The following PHLDB2 variants were observed in gnomAD, a reference collection of about 807,000 sequenced individuals.
PHLDB2 encodes the protein pleckstrin homology like domain family B member 2, also known as pleckstrin homology-like domain family B member 2.
In PHLDB2, 71 loss-of-function variants were observed where a neutral mutation model predicts 123.6. The observed-to-expected ratio is 0.57, with a 90% CI of 0.47 to 0.70. The LOEUF is 0.70. Ranked by LOEUF, PHLDB2 falls within the 30% of genes least tolerant of loss-of-function variation. PHLDB2 has a pLI of 0.00. For missense variants in PHLDB2, 1,446 were observed against 1,519.5 expected (o/e 0.95, Z 0.80); for synonymous variants, 547 against 541.6 (o/e 1.01, Z -0.14).
intron 1 of PHLDB2, among the ~76,000 whole-genome samples, chr3:111,872,720 ACT>A (rs1486502947): frequency 6.6e-6 from 1 of 152,132 alleles, no homozygotes. Context: ...TGAAAAGGGC[ACT>A]CTGGAAATAG....
intron 1 of PHLDB2, among the ~76,000 whole-genome samples, chr3:111,808,618 AGT>A (rs1357577267): frequency 6.6e-6 from 1 of 152,038 alleles, no homozygotes; most frequent in Non-Finnish European, 1.5e-5. Context: ...GTGCAGAAAG[AGT>A]AAACATGTAT....
chr3:111,829,247 A>T (rs73855641), intron 1 of PHLDB2, among the ~76,000 whole-genome samples: 175 of 152,200 alleles, frequency 1.1e-3, no homozygotes, highest in African/African-American at 4.2e-3. Context: ...TAAAGAGAAG[A>T]ACTGGGTGAA....
In PHLDB2 at chr3:111,976,055, CTT is replaced by C. The variant is rs1158459116; in HGVS notation, c.*1495_*1496del. The C allele has an allele frequency of 6.6e-6, 1 of 152,634 alleles. No homozygotes were observed. Among genetic ancestry groups the C allele is most frequent in the African/African-American group, 2.4e-5 (1 of 41,448 alleles). The allele number at this position is 152,634 out of a possible 1,614,324, so 9.5% of individuals were successfully genotyped here. A position where few individuals can be genotyped will look rare whatever the true frequency, so the allele number is the denominator to read the frequency against. Reference sequence around the variant, plus strand: ...TTAAAATCTGATTTTGCAGCGATCACTTTTAAACCCTGTAGTGATGTAAGACT... The same window carrying C: ...TTAAAATCTGATTTTGCAGCGATCACTTAAACCCTGTAGTGATGTAAGACT... On this transcript the variant is annotated 3_prime_UTR_variant, in exon 18 of 18. Transcript: ENST00000431670.
At chr3:111,783,587 A>T (rs2060566574) in intron 1 of PHLDB2, among the ~76,000 whole-genome samples, 1 of 152,168 alleles carries the variant, frequency 6.6e-6, no homozygotes, top group Admixed American at 6.5e-5. Flanking sequence ...TTGCAGATCA[A>T]TGAGGGAGCA....
In PHLDB2 at chr3:111,879,985, CTTT is replaced by C. The variant is rs33958199; in HGVS notation, c.-14-4060_-14-4058del. Among the ~76,000 whole-genome samples the C allele has an allele frequency of 8.6e-3, 925 of 108,150 alleles. 8 individuals carry two copies. Among genetic ancestry groups the C allele is most frequent in the East Asian group, 0.043 (165 of 3,796 alleles). The allele number at this position is 108,150 out of a possible 152,430, so 71.0% of individuals were successfully genotyped here. On this transcript the variant is annotated intron_variant, in intron 1 of 17. Transcript: ENST00000431670. ...TATCTTGAAACCCTTTACCCACTGC[CTTT>C]TTTTTTTTTTTTTTTTTTGGCCATA...
intron 1 of PHLDB2, among the ~76,000 whole-genome samples, chr3:111,746,763 T>C (rs910707335): frequency 6.6e-6 from 1 of 152,212 alleles, no homozygotes; most frequent in Non-Finnish European, 1.5e-5. Context: ...AGTGAGATCC[T>C]GTCTCTAAAA....
intron 2 of PHLDB2, among the ~76,000 whole-genome samples, chr3:111,895,872 C>CTGT (rs199501274): frequency 1.4e-5 from 2 of 145,582 alleles, no homozygotes; most frequent in Non-Finnish European, 3.0e-5. Context: ...ATCTATCTAT[C>CTGT]CATCTATCTA....
intron 1 of PHLDB2, among the ~76,000 whole-genome samples, chr3:111,754,125 C>T (rs1202763318): frequency 4.0e-5 from 6 of 151,748 alleles, no homozygotes; most frequent in Non-Finnish European, 5.9e-5. Flanking sequence ...ATTGACTTGG[C>T]GATGTGGGCT....
intron 1 of PHLDB2, among the ~76,000 whole-genome samples, chr3:111,832,752 G>A (rs1290758631): frequency 4.1e-5 from 1 of 24,380 alleles, no homozygotes; most frequent in Non-Finnish European, 5.9e-5. Context: ...ATATATAATA[G>A]AATTATACAT....
At chr3:111,932,167 T>C in intron 5 of PHLDB2, 102 bp from the exon 6 acceptor site, 1 of 1,252,398 alleles carries the variant, frequency 8.0e-7, no homozygotes, top group Non-Finnish European at 1.1e-6. Flanking sequence ...TTGTCCAGAG[T>C]TTGTGTATGT....
At chr3:111,846,847 G>A (rs1385691968) in intron 2 of PHLDB2, among the ~76,000 whole-genome samples, 2 of 152,252 alleles carry the variant, frequency 1.3e-5, no homozygotes, top group South Asian at 2.1e-4. Flanking sequence ...ATCTCGAGCA[G>A]ACATGGAAAA....
chr3:111,834,080 C>A (rs62644683), intron 1 of PHLDB2, among the ~76,000 whole-genome samples: 2 of 60,598 alleles, frequency 3.3e-5, no homozygotes, highest in Non-Finnish European at 5.7e-5. Context: ...ATTATATATA[C>A]TATATATGTA....
intron 1 of PHLDB2, among the ~76,000 whole-genome samples, chr3:111,869,587 C>G (rs2065243886): frequency 6.6e-6 from 1 of 152,196 alleles, no homozygotes. Flanking sequence ...GCCCTGTCAC[C>G]TGGTGAATTC....
At chr3:111,942,807 AAAT>A (rs1385782793) in intron 8 of PHLDB2, among the ~76,000 whole-genome samples, 1 of 149,516 alleles carries the variant, frequency 6.7e-6, no homozygotes, top group African/African-American at 2.4e-5. Flanking sequence ...CTTAATATAC[AAAT>A]AATAATATAT....
intron 2 of PHLDB2, among the ~76,000 whole-genome samples, chr3:111,907,640 T>C (rs1282958): frequency 0.59 from 88,789 of 151,752 alleles, 26,250 homozygotes; most frequent in East Asian, 0.72. Flanking sequence ...GGACTACAGG[T>C]GCCCACCACC....
chr3:111,953,166 G>A (rs7618633), intron 11 of PHLDB2, among the ~76,000 whole-genome samples: 36,755 of 152,132 alleles, frequency 0.24, 5,409 homozygotes, highest in East Asian at 0.38. Flanking sequence ...CCAGTTGTAT[G>A]TATGGATAAA....
At chr3:111,967,608 TA>T (rs2107681503) in intron 14 of PHLDB2, 69 bp from the exon 15 acceptor site, 1 of 1,434,250 alleles carries the variant, frequency 7.0e-7, no homozygotes, top group East Asian at 2.4e-5. Flanking sequence ...TTGTCTTTTT[TA>T]TATTGATTGG....
At chr3:111,898,620 C>T (rs2067015415) in intron 2 of PHLDB2, among the ~76,000 whole-genome samples, 3 of 152,196 alleles carry the variant, frequency 2.0e-5, no homozygotes, top group African/African-American at 7.2e-5. Flanking sequence ...GAATTGGAAT[C>T]AGTCCTCTCA....
At chr3:111,747,327 T>C (rs896072650) in intron 1 of PHLDB2, among the ~76,000 whole-genome samples, 2 of 152,140 alleles carry the variant, frequency 1.3e-5, no homozygotes, top group African/African-American at 2.4e-5. Context: ...CAAGAATGAC[T>C]GAAATTTGGG....
Sources: allele counts gnomAD v4.1 joint callset (sites outside exome capture counted in the v4.1 genomes callset), GRCh38; gene constraint gnomAD v4.1.1; transcripts MANE v1.5; gene names NCBI Gene and HGNC (gene_info 2026-07-23, HGNC 2026-07-21).